The following SPAG16 variants were observed in gnomAD, a reference collection of about 807,000 sequenced individuals.
SPAG16 encodes the protein sperm associated antigen 16.
SPAG16 carries 86 observed loss-of-function variants against 80.4 expected under a neutral mutation model. The observed-to-expected ratio is 1.07, with a 90% CI of 0.90 to 1.28. The LOEUF (loss-of-function observed/expected upper bound fraction) is 1.28, where lower values mean the gene tolerates loss of function less well. Ranked by LOEUF, SPAG16 falls within the 50% of genes most tolerant of loss-of-function variation. The pLI, the probability that SPAG16 is intolerant of heterozygous loss-of-function variation, is 0.00. For synonymous variants in SPAG16, 294 were observed against 265.9 expected, an observed-to-expected ratio of 1.11 and a Z score of -1.03; for missense variants, 870 against 765.3, an observed-to-expected ratio of 1.14 and a Z score of -1.61.
At chr2:214,406,174 G>A (rs1701990011) in intron 15 of SPAG16, among the ~76,000 whole-genome samples, 1 of 152,116 alleles carries the variant, frequency 6.6e-6, no homozygotes, top group East Asian at 1.9e-4. Flanking sequence ...ACATGAGAAG[G>A]AAAGTAAGTA....
At chr2:214,042,221 G>A (rs945438808) in intron 13 of SPAG16, among the ~76,000 whole-genome samples, 1 of 151,338 alleles carries the variant, frequency 6.6e-6, no homozygotes, top group African/African-American at 2.4e-5. Context: ...AGCCTCCCAA[G>A]TAGCTGGGAT....
At chr2:214,159,653 A>G (rs17815611) in intron 15 of SPAG16, among the ~76,000 whole-genome samples, 58,652 of 151,768 alleles carry the variant, frequency 0.39, 14,265 homozygotes, top group Non-Finnish European at 0.53. Context: ...ATCTGATTGA[A>G]CTCAGAAGTA....
chr2:213,887,019 T>C (rs1434660576), intron 11 of SPAG16, among the ~76,000 whole-genome samples: 2 of 152,118 alleles, frequency 1.3e-5, no homozygotes, highest in Non-Finnish European at 2.9e-5. Context: ...AGATTTTTTT[T>C]CTATTTTTAA....
intron 15 of SPAG16, among the ~76,000 whole-genome samples, chr2:214,208,663 T>TA (rs2058211528): frequency 6.7e-6 from 1 of 150,128 alleles, no homozygotes; most frequent in African/African-American, 2.4e-5. Context: ...GAGGTTGCAA[T>TA]TTTTTTTTTA....
At chr2:214,280,758 G>C in intron 15 of SPAG16, 1 of 426,312 alleles carries the variant, frequency 2.3e-6, no homozygotes, top group Admixed American at 2.7e-5. Flanking sequence ...TTTCCTGGGC[G>C]TCTTCTCATA....
chr2:213,968,952 C>A (rs1575679753), intron 12 of SPAG16, among the ~76,000 whole-genome samples: 1 of 152,230 alleles, frequency 6.6e-6, no homozygotes, highest in East Asian at 1.9e-4. Context: ...CAAATAATAT[C>A]CATACAAAGA....
At chr2:214,026,423 C>T (rs980669892) in intron 13 of SPAG16, among the ~76,000 whole-genome samples, 1 of 151,414 alleles carries the variant, frequency 6.6e-6, no homozygotes, top group African/African-American at 2.4e-5. Context: ...CAAAAATATC[C>T]TATACACATA....
intron 12 of SPAG16, among the ~76,000 whole-genome samples, chr2:214,000,069 T>G (rs1225488235): frequency 6.6e-6 from 1 of 152,188 alleles, no homozygotes; most frequent in Non-Finnish European, 1.5e-5. Flanking sequence ...TTTGGGGGAC[T>G]GTTGGGAAGG....
chr2:213,838,055 T>G (rs899019894), intron 10 of SPAG16, among the ~76,000 whole-genome samples: 29 of 152,144 alleles, frequency 1.9e-4, no homozygotes, highest in Admixed American at 2.6e-4. Context: ...GCTGCCGTTC[T>G]TACGGTTGTA....
chr2:213,943,841 A>G (rs2079319475), intron 12 of SPAG16, among the ~76,000 whole-genome samples: 1 of 152,194 alleles, frequency 6.6e-6, no homozygotes, highest in Non-Finnish European at 1.5e-5. Context: ...GTGATCCAAG[A>G]ACCTAATCAG....
chr2:214,281,075 CT>C, intron 15 of SPAG16: 1 of 384,244 alleles, frequency 2.6e-6, no homozygotes, highest in Non-Finnish European at 5.0e-6. Context: ...CTGGCAAGGC[CT>C]TCATCTCCAG....
chr2:213,721,806 A>G (rs1198914350), intron 10 of SPAG16, among the ~76,000 whole-genome samples: 1 of 152,222 alleles, frequency 6.6e-6, no homozygotes, highest in Non-Finnish European at 1.5e-5. Flanking sequence ...TGCATTCATT[A>G]TGTTAATGAT....
chr2:214,383,584 A>G (rs1163472451), intron 15 of SPAG16, among the ~76,000 whole-genome samples: 3 of 151,834 alleles, frequency 2.0e-5, no homozygotes, highest in Non-Finnish European at 2.9e-5. Context: ...AAAAAAGAAA[A>G]AAGAAAAAAA....
chr2:214,339,714 C>G (rs184157535), intron 15 of SPAG16, among the ~76,000 whole-genome samples: 1 of 152,330 alleles, frequency 6.6e-6, no homozygotes, highest in Admixed American at 6.5e-5. Context: ...GAAACTGACA[C>G]TTTATTATTA....
chr2:214,079,055 C>A (rs2051229827), intron 13 of SPAG16, among the ~76,000 whole-genome samples: 1 of 152,134 alleles, frequency 6.6e-6, no homozygotes. Context: ...CATGGCACCT[C>A]AGAATCTCTG....
intron 15 of SPAG16, among the ~76,000 whole-genome samples, chr2:214,339,352 A>C (rs1414541013): frequency 6.6e-6 from 1 of 152,228 alleles, no homozygotes; most frequent in Admixed American, 6.5e-5. Context: ...AAATGATGAC[A>C]GTAAGGCAAA....
At chr2:213,932,115 A>C (rs996498154) in intron 12 of SPAG16, among the ~76,000 whole-genome samples, 1 of 145,118 alleles carries the variant, frequency 6.9e-6, no homozygotes, top group African/African-American at 2.6e-5. Context: ...GGAGCTATGT[A>C]TGCTGTGTCA....
chr2:214,198,447 T>G (rs2057910065), intron 15 of SPAG16, among the ~76,000 whole-genome samples: 1 of 152,148 alleles, frequency 6.6e-6, no homozygotes, highest in African/African-American at 2.4e-5. Flanking sequence ...ATTCTTTTTT[T>G]GGTTGAGTAG....
intron 10 of SPAG16, among the ~76,000 whole-genome samples, chr2:213,790,899 C>G (rs1196413987): frequency 6.6e-6 from 1 of 152,098 alleles, no homozygotes; most frequent in African/African-American, 2.4e-5. Flanking sequence ...CTCACTTTAA[C>G]TCATCATCCA....
Sources: gnomAD v4.1 joint callset for allele counts (sites outside exome capture counted in the v4.1 genomes callset) on GRCh38, gnomAD v4.1.1 for gene constraint, MANE v1.5 for transcripts, NCBI Gene and HGNC (gene_info 2026-07-23, HGNC 2026-07-21) for gene names.